The following KLF8 variants were observed in gnomAD, a reference collection of about 807,000 sequenced individuals.
The protein encoded by KLF8 is KLF transcription factor 8, also known as Krueppel-like factor 8.
Under a neutral mutation model 18.2 loss-of-function variants are expected in KLF8, and 10 were observed. That is an observed-to-expected ratio of 0.55 (90% CI 0.34 to 0.93). The LOEUF (loss-of-function observed/expected upper bound fraction) is 0.93. Among genes scored for constraint, KLF8 ranks in the 40% least tolerant of loss-of-function variants. The pLI is 0.02. For missense variants in KLF8, 264 were observed against 277.9 expected (o/e 0.95, Z 0.36); for synonymous variants, 109 against 97.3 (o/e 1.12, Z -0.71).
chrX:56,134,205 G>A, the KLF8 span, among the ~76,000 whole-genome samples: 2 of 111,083 alleles, frequency 1.8e-5, no homozygotes, highest in African/African-American at 6.5e-5. Flanking sequence ...ATTTTGCATA[G>A]CCAAAGTAAA....
upstream of KLF8, among the ~76,000 whole-genome samples, chrX:56,229,627 T>C (rs1346008787): frequency 1.8e-5 from 2 of 112,030 alleles, no homozygotes. Context: ...ACTCCTGCCT[T>C]TGACATTAAC....
At chrX:55,949,951 C>G in the KLF8 span, among the ~76,000 whole-genome samples, 1 of 110,846 alleles carries the variant, frequency 9.0e-6, no homozygotes, top group Admixed American at 9.6e-5. Flanking sequence ...TTGAAAAATG[C>G]TGTATTAAAG....
At chrX:55,925,241 C>G in the KLF8 span, among the ~76,000 whole-genome samples, 1 of 103,415 alleles carries the variant, frequency 9.7e-6, no homozygotes, top group Non-Finnish European at 1.9e-5. Flanking sequence ...ACTATGGTCC[C>G]TGCCATCAAG....
the KLF8 span, among the ~76,000 whole-genome samples, chrX:55,965,640 A>C: frequency 1.8e-5 from 2 of 112,301 alleles, no homozygotes; most frequent in Admixed American, 9.4e-5. Context: ...AAAACATCAT[A>C]GTCTCTGCAC....
chrX:56,001,883 A>C, the KLF8 span, among the ~76,000 whole-genome samples: 8 of 111,980 alleles, frequency 7.1e-5, no homozygotes, highest in East Asian at 1.7e-3. Context: ...CCATTCTCAC[A>C]TAGTAGCCAG....
intron 5 of KLF8, among the ~76,000 whole-genome samples, chrX:56,283,498 G>T (rs1238015801): frequency 2.8e-5 from 3 of 107,015 alleles, no homozygotes; most frequent in Non-Finnish European, 5.9e-5. Flanking sequence ...CAGCCTCCTG[G>T]GTAGCTGGAA....
chrX:56,214,001 G>A, the KLF8 span, among the ~76,000 whole-genome samples: 3 of 111,413 alleles, frequency 2.7e-5, no homozygotes, highest in African/African-American at 9.8e-5. Context: ...GAGCAGGAAG[G>A]TATGCTTCCC....
the KLF8 span, among the ~76,000 whole-genome samples, chrX:56,018,366 T>C: frequency 8.9e-6 from 1 of 111,804 alleles, no homozygotes; most frequent in Non-Finnish European, 1.9e-5. Flanking sequence ...CATTATTAAC[T>C]ATAAATAAAA....
At chrX:55,959,821 G>A in the KLF8 span, among the ~76,000 whole-genome samples, 11 of 111,113 alleles carry the variant, frequency 9.9e-5, no homozygotes, top group African/African-American at 3.6e-4. Flanking sequence ...CATATTTCAG[G>A]ATACGGTGCA....
At chrX:56,188,153 G>C in the KLF8 span, among the ~76,000 whole-genome samples, 1 of 111,357 alleles carries the variant, frequency 9.0e-6, no homozygotes, top group South Asian at 3.8e-4. Context: ...ATCTCCTTAA[G>C]CTGATAAGCA....
the KLF8 span, among the ~76,000 whole-genome samples, chrX:56,012,634 T>A: frequency 9.0e-6 from 1 of 111,276 alleles, no homozygotes; most frequent in Non-Finnish European, 1.9e-5. Flanking sequence ...GTATTGAAAT[T>A]GGAAGAGGAG....
At chrX:56,159,614 G>C in the KLF8 span, among the ~76,000 whole-genome samples, 5 of 112,274 alleles carry the variant, frequency 4.5e-5, no homozygotes, top group Non-Finnish European at 9.4e-5. Flanking sequence ...GTTTAGTCTT[G>C]GGAGGGTGTA....
chrX:56,254,614 T>A (rs180900873), intron 2 of KLF8, among the ~76,000 whole-genome samples: 1 of 110,981 alleles, frequency 9.0e-6, no homozygotes, highest in Non-Finnish European at 1.9e-5. Flanking sequence ...GAGATTTTAT[T>A]GCTGATCAAA....
chrX:55,996,668 T>C, the KLF8 span, among the ~76,000 whole-genome samples: 1 of 111,779 alleles, frequency 8.9e-6, no homozygotes, highest in African/African-American at 3.3e-5. Context: ...CATACTCTAA[T>C]TCTGGGGGCT....
chrX:56,197,958 C>T, the KLF8 span, among the ~76,000 whole-genome samples: 2 of 111,940 alleles, frequency 1.8e-5, no homozygotes, highest in African/African-American at 6.5e-5. Flanking sequence ...AAACATAATC[C>T]ATCACATTAA....
At chrX:56,141,348 AT>A in the KLF8 span, among the ~76,000 whole-genome samples, 8 of 111,107 alleles carry the variant, frequency 7.2e-5, no homozygotes, top group African/African-American at 2.3e-4. Context: ...TCCTTTGTTC[AT>A]TTTTTTTGTG....
At chrX:55,939,303 A>G in the KLF8 span, among the ~76,000 whole-genome samples, 1 of 112,074 alleles carries the variant, frequency 8.9e-6, no homozygotes, top group East Asian at 2.8e-4. Flanking sequence ...TGAAGGCAGA[A>G]ATAAAGATGT....
chrX:56,116,186 G>A, the KLF8 span, among the ~76,000 whole-genome samples: 1 of 112,929 alleles, frequency 8.9e-6, no homozygotes, highest in African/African-American at 3.2e-5. Flanking sequence ...CCAGCATCTG[G>A]CCAAAGAGAT....
At chrX:56,058,584 C>T in the KLF8 span, among the ~76,000 whole-genome samples, 9 of 100,777 alleles carry the variant, frequency 8.9e-5, no homozygotes, top group African/African-American at 3.2e-4. Flanking sequence ...CTTCCACTTA[C>T]AAGTAAGAAC....
Sources: allele counts gnomAD v4.1 joint callset (sites outside exome capture counted in the v4.1 genomes callset), GRCh38; gene constraint gnomAD v4.1.1; transcripts MANE v1.5; gene names NCBI Gene and HGNC (gene_info 2026-07-23, HGNC 2026-07-21).